The following C8orf34 variants were observed in gnomAD, a reference collection of about 807,000 sequenced individuals.
C8orf34 encodes the protein uncharacterized protein C8orf34.
Under a neutral mutation model 68.3 loss-of-function variants are expected in C8orf34, and 65 were observed. The observed-to-expected ratio is 0.95, with a 90% CI of 0.78 to 1.17. The LOEUF (loss-of-function observed/expected upper bound fraction) is 1.17, where lower values mean the gene tolerates loss of function less well. Ranked by LOEUF, C8orf34 falls within the 50% of genes most tolerant of loss-of-function variation. C8orf34 has a pLI of 0.00. For missense variants in C8orf34, 664 were observed against 655.4 expected, an observed-to-expected ratio of 1.01 and a Z score of -0.14; for synonymous variants, 244 against 241.2, an observed-to-expected ratio of 1.01 and a Z score of -0.11.
chr8:68,816,902 C>A (rs938167982), intron 13 of C8orf34, among the ~76,000 whole-genome samples: 4 of 152,046 alleles, frequency 2.6e-5, no homozygotes, highest in Non-Finnish European at 4.4e-5. Context: ...TATTAGAAAG[C>A]TATGAATCCA....
At chr8:68,548,150 A>G (rs1815948595) in intron 7 of C8orf34, among the ~76,000 whole-genome samples, 1 of 151,792 alleles carries the variant, frequency 6.6e-6, no homozygotes, top group Non-Finnish European at 1.5e-5. Context: ...TTTAGAAATA[A>G]CAAAAATCAC....
intron 7 of C8orf34, among the ~76,000 whole-genome samples, chr8:68,633,264 T>C (rs1818743702): frequency 6.6e-6 from 1 of 152,124 alleles, no homozygotes; most frequent in South Asian, 2.1e-4. Context: ...TTCTAGCCTC[T>C]CCAATAGAGG....
At chr8:68,630,884 A>T (rs1252418199) in intron 7 of C8orf34, among the ~76,000 whole-genome samples, 1 of 150,420 alleles carries the variant, frequency 6.6e-6, no homozygotes, top group Non-Finnish European at 1.5e-5. Context: ...GGCTCAAGTG[A>T]TCCTCCCACC....
At chr8:68,530,989 A>G (rs1431095176) in intron 6 of C8orf34, among the ~76,000 whole-genome samples, 1 of 152,092 alleles carries the variant, frequency 6.6e-6, no homozygotes, top group African/African-American at 2.4e-5. Context: ...CATACCCTCC[A>G]CCTGTATTCA....
chr8:68,616,733 G>A (rs1246133341), intron 7 of C8orf34, among the ~76,000 whole-genome samples: 1 of 152,186 alleles, frequency 6.6e-6, no homozygotes, highest in South Asian at 2.1e-4. Flanking sequence ...TTTGGAATAG[G>A]TGTGGTGTGG....
chr8:68,362,499 T>G (rs1807046993), intron 1 of C8orf34, among the ~76,000 whole-genome samples: 1 of 152,132 alleles, frequency 6.6e-6, no homozygotes, highest in Admixed American at 6.5e-5. Context: ...ATTTCTGCAT[T>G]TCCATCTGAG....
intron 7 of C8orf34, among the ~76,000 whole-genome samples, chr8:68,561,968 A>AT (rs945983653): frequency 1.3e-5 from 2 of 152,090 alleles, no homozygotes; most frequent in African/African-American, 4.8e-5. Context: ...CCTTGGGGCT[A>AT]TTTTACAGTA....
chr8:68,507,708 G>A (rs527804778), intron 5 of C8orf34, among the ~76,000 whole-genome samples: 2 of 152,272 alleles, frequency 1.3e-5, no homozygotes, highest in Admixed American at 1.3e-4. Context: ...GTAGAAAACT[G>A]GGGGCCCAGA....
chr8:68,692,599 G>A (rs989278153), intron 8 of C8orf34, among the ~76,000 whole-genome samples: 1 of 151,868 alleles, frequency 6.6e-6, no homozygotes, highest in Admixed American at 6.6e-5. Context: ...AAAAACTTAC[G>A]GAAAGGCAAA....
intron 1 of C8orf34, among the ~76,000 whole-genome samples, chr8:68,412,338 T>C (rs1287310783): frequency 6.6e-6 from 1 of 152,176 alleles, no homozygotes; most frequent in African/African-American, 2.4e-5. Context: ...ATTTTAGTAA[T>C]AGTAGTATAG....
chr8:68,368,645 G>T (rs965431530), intron 1 of C8orf34, among the ~76,000 whole-genome samples: 5 of 152,034 alleles, frequency 3.3e-5, no homozygotes, highest in South Asian at 2.1e-4. Context: ...TCTCTCAATA[G>T]TTGGCTAAAA....
intron 7 of C8orf34, among the ~76,000 whole-genome samples, chr8:68,622,469 A>G (rs1818416039): frequency 6.6e-6 from 1 of 152,166 alleles, no homozygotes; most frequent in African/African-American, 2.4e-5. Context: ...AAAAAAATAA[A>G]AGTTGTAAGT....
At chr8:68,663,556 C>T (rs1261151249) in intron 8 of C8orf34, among the ~76,000 whole-genome samples, 1 of 152,150 alleles carries the variant, frequency 6.6e-6, no homozygotes, top group African/African-American at 2.4e-5. Flanking sequence ...TATTTTCTAT[C>T]ACCTTGACAT....
intron 1 of C8orf34, among the ~76,000 whole-genome samples, chr8:68,389,315 TGTG>T (rs1381392449): frequency 1.3e-5 from 2 of 152,154 alleles, no homozygotes; most frequent in African/African-American, 4.8e-5. Flanking sequence ...ACATCTGTGA[TGTG>T]GTGATGAGAA....
chr8:68,416,731 A>T (rs888044077), intron 1 of C8orf34, among the ~76,000 whole-genome samples: 5 of 151,824 alleles, frequency 3.3e-5, no homozygotes, highest in Non-Finnish European at 7.4e-5. Flanking sequence ...GGGTTTCACC[A>T]TGTTGGCCAG....
intron 1 of C8orf34, among the ~76,000 whole-genome samples, chr8:68,390,431 A>C (rs1398476065): frequency 6.6e-6 from 1 of 152,208 alleles, no homozygotes; most frequent in East Asian, 1.9e-4. Context: ...AGTAGCTAGC[A>C]ATAAGATAAT....
At chr8:68,431,066 T>C (rs543535127) in intron 1 of C8orf34, among the ~76,000 whole-genome samples, 1 of 152,268 alleles carries the variant, frequency 6.6e-6, no homozygotes, top group Admixed American at 6.5e-5. Context: ...TAAACTCATA[T>C]GGACAGTAAG....
chr8:68,639,050 G>A (rs1460301295), intron 7 of C8orf34, among the ~76,000 whole-genome samples: 2 of 152,086 alleles, frequency 1.3e-5, no homozygotes, highest in African/African-American at 2.4e-5. Context: ...ACTCTCATGA[G>A]TGTTTAATGC....
intron 8 of C8orf34, among the ~76,000 whole-genome samples, chr8:68,676,085 G>C (rs924957174): frequency 2.0e-5 from 3 of 152,024 alleles, no homozygotes; most frequent in Non-Finnish European, 1.5e-5. Context: ...ATATAATCCC[G>C]GAACTTTGGG....
Sources: allele counts gnomAD v4.1 joint callset (sites outside exome capture counted in the v4.1 genomes callset), GRCh38; gene constraint gnomAD v4.1.1; transcripts MANE v1.5; gene names NCBI Gene and HGNC (gene_info 2026-07-23, HGNC 2026-07-21).